Variants in KLHDC4 observed in about 807,000 individuals in gnomAD.
KLHDC4 encodes kelch domain containing 4.
In KLHDC4, 90 loss-of-function variants were observed where a neutral mutation model predicts 62.4. That is an observed-to-expected ratio of 1.44 (90% CI 1.22 to 1.72). The LOEUF (loss-of-function observed/expected upper bound fraction) is 1.72, where lower values mean the gene tolerates loss of function less well. Among genes scored for constraint, KLHDC4 ranks in the 40% most tolerant of loss-of-function variants. The pLI, the probability that KLHDC4 is intolerant of heterozygous loss-of-function variation, is 0.00. For missense variants in KLHDC4, 1,025 were observed against 699.7 expected (o/e 1.47, Z -5.25); for synonymous variants, 386 against 284.4 (o/e 1.36, Z -3.59).
chr16:87,759,905 G>A (rs2045601202), intron 2 of KLHDC4, among the ~76,000 whole-genome samples: 1 of 152,166 alleles, frequency 6.6e-6, no homozygotes, highest in African/African-American at 2.4e-5. Flanking sequence ...ACCAGCCCAG[G>A]TGTTGCCGCC....
chr16:87,765,316 G>A (rs1024240276), intron 1 of KLHDC4: 4 of 456,274 alleles, frequency 8.8e-6, no homozygotes, highest in African/African-American at 6.0e-5. Context: ...CACTGCTCAG[G>A]GCTGCTGTGA....
intron 2 of KLHDC4, among the ~76,000 whole-genome samples, chr16:87,759,119 C>G (rs1383826503): frequency 6.6e-6 from 1 of 152,128 alleles, no homozygotes; most frequent in Non-Finnish European, 1.5e-5. Context: ...TTGCGGTGAG[C>G]CGATATCATA....
chr16:87,730,981 A>C (rs928068241), intron 5 of KLHDC4: 1 of 174,310 alleles, frequency 5.7e-6, no homozygotes, highest in Non-Finnish European at 1.2e-5. Flanking sequence ...GACAAGCAAC[A>C]GACAGAGAAA....
rs113486141 is a variant in KLHDC4, at chr16:87,733,123, G to A, written c.507-2479C>T. Reference sequence around the variant, plus strand: ...GCAAATCCTATCCCAGCTTCTATCGGTGAAAAGGCAGGTGCAAAGCAAATC... The same window carrying A: ...GCAAATCCTATCCCAGCTTCTATCGATGAAAAGGCAGGTGCAAAGCAAATC... On this transcript the variant is annotated intron_variant, in intron 5 of 11. Coordinates refer to ENST00000270583, the MANE Select transcript of KLHDC4 (RefSeq NM_017566.4). Among the ~76,000 whole-genome samples the A allele has an allele frequency of 5.8e-3, 874 of 151,304 alleles. 8 individuals are homozygous for A. The highest frequency in any genetic ancestry group is 0.017 in the Middle Eastern group (5 of 292).
intron 7 of KLHDC4, among the ~76,000 whole-genome samples, chr16:87,719,670 T>TAA (rs771590646): frequency 0.056 from 7,358 of 131,586 alleles, 229 homozygotes; most frequent in South Asian, 0.14. Flanking sequence ...CAATAAATAC[T>TAA]AAAAAAAAAA....
In KLHDC4 at chr16:87,764,122, G is replaced by A. The variant is rs117127456; in HGVS notation, c.99+1670C>T. ...TAATTGCCAGGACTGTGAAAGAATG[G>A]GATACCACTCTTGTGATTAGGTTGT... On this transcript the variant is annotated intron_variant, in intron 1 of 11. Coordinates refer to ENST00000270583, the MANE Select transcript of KLHDC4 (RefSeq NM_017566.4). Among the ~76,000 whole-genome samples the A allele has an allele frequency of 1.3e-3, 193 of 152,296 alleles. 7 individuals are homozygous for A. In the East Asian group the frequency reaches 0.036, roughly 28 times the overall value.
At chr16:87,751,583 T>C (rs916768581) in intron 4 of KLHDC4, among the ~76,000 whole-genome samples, 1 of 152,182 alleles carries the variant, frequency 6.6e-6, no homozygotes, top group African/African-American at 2.4e-5. Context: ...TTCTTTTCAT[T>C]TTTTTCAGAA....
intron 5 of KLHDC4, among the ~76,000 whole-genome samples, chr16:87,741,893 G>A (rs748500129): frequency 6.6e-5 from 10 of 152,266 alleles, no homozygotes; most frequent in Non-Finnish European, 1.0e-4. Flanking sequence ...AAATGAATGC[G>A]CAGTGCAGGG....
intron 5 of KLHDC4, among the ~76,000 whole-genome samples, chr16:87,738,468 C>A (rs1422993729): frequency 1.3e-5 from 2 of 152,182 alleles, no homozygotes; most frequent in Non-Finnish European, 2.9e-5. Context: ...TGAACTTTCA[C>A]AGCAACACTG....
chr16:87,718,402 G>A (rs1027453111), intron 7 of KLHDC4, among the ~76,000 whole-genome samples: 9 of 122,604 alleles, frequency 7.3e-5, no homozygotes, highest in Non-Finnish European at 1.7e-4. Flanking sequence ...TCTCTCCACG[G>A]TCTCCCTCTG....
rs532621005 is a variant in KLHDC4, at chr16:87,737,158, G to C, written c.507-6514C>G. 3.4e-5 allele frequency among the ~76,000 whole-genome samples: 5 copies of C among 148,752 alleles called. No homozygotes were observed. In the East Asian group the frequency reaches 9.8e-4, roughly 29 times the overall value. On this transcript the variant is annotated intron_variant, in intron 5 of 11. Coordinates refer to ENST00000270583, the MANE Select transcript of KLHDC4 (RefSeq NM_017566.4). Reference sequence around the variant, plus strand: ...AAGAAAACCAAGACTAACAAGTCAGGATACCCAGGAAAGCAGTCAGTGGCA... The same window carrying C: ...AAGAAAACCAAGACTAACAAGTCAGCATACCCAGGAAAGCAGTCAGTGGCA...
chr16:87,746,965 G>A (rs1289231011), intron 5 of KLHDC4, among the ~76,000 whole-genome samples: 1 of 152,208 alleles, frequency 6.6e-6, no homozygotes, highest in East Asian at 1.9e-4. Flanking sequence ...CTGCAGTGTG[G>A]GATGCAGCTG....
At chr16:87,726,736 C>G in intron 7 of KLHDC4, 29 bp downstream of exon 7, 1 of 1,514,966 alleles carries the variant, frequency 6.6e-7, no homozygotes. Flanking sequence ...GGTCCCACGC[C>G]TTGCCTGTTT....
At chr16:87,717,625 C>G (rs1567682614) in intron 7 of KLHDC4, among the ~76,000 whole-genome samples, 1 of 152,326 alleles carries the variant, frequency 6.6e-6, no homozygotes, top group East Asian at 1.9e-4. Flanking sequence ...TGAGACTAGT[C>G]TCTTTTTGTA....
exon 1 of KLHDC4, chr16:87,702,519 G>C (rs118075941): frequency 2.0e-5 from 7 of 355,874 alleles, no homozygotes; most frequent in Non-Finnish European, 3.9e-5. Context: ...AGGCATGTCC[G>C]TGGCCTCCTC....
chr16:87,710,971 G>A (rs894486274), intron 9 of KLHDC4: 4 of 472,852 alleles, frequency 8.5e-6, no homozygotes, highest in African/African-American at 3.9e-5. Flanking sequence ...GAGGGCCGGG[G>A]AGGTCCCGGG....
chr16:87,741,501 G>A (rs1053497955), intron 5 of KLHDC4, among the ~76,000 whole-genome samples: 1 of 152,172 alleles, frequency 6.6e-6, no homozygotes, highest in East Asian at 1.9e-4. Flanking sequence ...GAGCTCCTTA[G>A]GACAATCTAA....
chr16:87,756,400 T>G lies in KLHDC4; in HGVS notation c.269A>C (p.Lys90Thr). ...LFGGEYFNGQ[K>T]TFLYNELYVY... Reference sequence around the variant, plus strand: ...AAAAGAAAAAAATATATACTTTACTTTTTGGCCGTTGAAATATTCACCTCC... The same window carrying G: ...AAAAGAAAAAAATATATACTTTACTGTTTGGCCGTTGAAATATTCACCTCC... The change falls in exon 3 of 12, where the codon AAA (lysine) becomes ACA (threonine). Residue 90 changes from lysine to threonine, a missense_variant and splice_region_variant. Lys to Thr is a moderately conservative substitution (Grantham distance 78). Coordinates refer to ENST00000270583, the MANE Select transcript of KLHDC4 (RefSeq NM_017566.4). The G allele has an allele frequency of 6.2e-7, 1 of 1,608,532 alleles. No homozygotes were observed. Among genetic ancestry groups the G allele is most frequent in the Non-Finnish European group, 8.5e-7 (1 of 1,174,954 alleles).
chr16:87,755,859 C>T (rs2044800118), intron 3 of KLHDC4: 2 of 163,782 alleles, frequency 1.2e-5, no homozygotes, highest in African/African-American at 4.8e-5. Flanking sequence ...GCCACTGTAC[C>T]CAGTCAAGCC....
Sources: allele counts gnomAD v4.1 joint callset (sites outside exome capture counted in the v4.1 genomes callset), GRCh38; gene constraint gnomAD v4.1.1; transcripts MANE v1.5; gene names NCBI Gene and HGNC (gene_info 2026-07-23, HGNC 2026-07-21).